The following TAF12 variants were observed in gnomAD, a reference collection of about 807,000 sequenced individuals.
TAF12 encodes TATA-box binding protein associated factor 12.
In TAF12, 3 loss-of-function variants were observed where a neutral mutation model predicts 20.8. The ratio of observed to expected loss-of-function variants is 0.14; its 90% CI spans 0.07 to 0.37. TAF12 has a LOEUF of 0.37. Among genes scored for constraint, TAF12 ranks in the 10% least tolerant of loss-of-function variants. TAF12 has a pLI of 1.00. For missense variants in TAF12, 131 were observed against 197.9 expected (o/e 0.66, Z 2.03); for synonymous variants, 69 against 70.2 (o/e 0.98, Z 0.09).
At chr1:28,626,843 G>A (rs1026804546) in intron 1 of TAF12, among the ~76,000 whole-genome samples, 6 of 152,064 alleles carry the variant, frequency 3.9e-5, no homozygotes, top group African/African-American at 1.4e-4. Flanking sequence ...CTGGGAGGCG[G>A]AGGTTGCAGT....
chr1:28,605,851 A>C (rs1485909329), intron 4 of TAF12, among the ~76,000 whole-genome samples: 1 of 152,146 alleles, frequency 6.6e-6, no homozygotes, highest in Non-Finnish European at 1.5e-5. Context: ...CCCAGGCTGG[A>C]GTGCAATGGC....
At chr1:28,647,988 TA>T (rs556200916), upstream of TAF12, among the ~76,000 whole-genome samples, 3,637 of 148,142 alleles carry the variant, frequency 0.025, 37 homozygotes, top group African/African-American at 0.031. Flanking sequence ...TCACTCGATT[TA>T]AAAAAAAAAA....
rs558217675 is a variant in TAF12 at position 28,603,758 on chromosome 1, G to A, written c.451-184C>T. Among the ~76,000 whole-genome samples, 98 of 152,172 alleles carry A rather than the reference G, an allele frequency of 6.4e-4. 1 individual carries two copies. Among genetic ancestry groups the A allele is most frequent in the Non-Finnish European group, 1.3e-3 (87 of 68,036 alleles). On this transcript the variant is annotated intron_variant, in intron 5 of 5. Transcript: ENST00000373824. ...GAGAGCAGTCTGCAAGGCCCCAAGA[G>A]ATGTTTAGATGGGCTAGTGGACCCA...
chr1:28,616,566 C>T (rs1487345539), intron 3 of TAF12, among the ~76,000 whole-genome samples: 3 of 151,326 alleles, frequency 2.0e-5, no homozygotes, highest in Non-Finnish European at 2.9e-5. Context: ...AACCCCATCT[C>T]TACTAAAAAA....
chr1:28,635,342 G>GTCGCCCAGGC lies in TAF12; in HGVS notation c.-85+7640_-85+7649dup, dbSNP rs1238617310. Among the ~76,000 whole-genome samples the GTCGCCCAGGC allele has an allele frequency of 2.6e-5, 3 of 114,408 alleles. No individual in the cohort carries two copies. The Admixed American group carries it at 3.3e-4, about 13-fold the overall frequency. The allele number at this position is 114,408 out of a possible 152,430, so 75.1% of individuals were successfully genotyped here. A position where few individuals can be genotyped will look rare whatever the true frequency, so the allele number is the denominator to read the frequency against. On this transcript the variant is annotated intron_variant, in intron 1 of 5. Coordinates refer to ENST00000373824, the MANE Select transcript of TAF12 (RefSeq NM_005644.4). ...TGTGTCGCCCAGGCTACAGTGCAGT[G>GTCGCCCAGGC]TCGCCCAGGCTACAGTGCAGTGGCG...
At chr1:28,620,795 C>T (rs1404518909) in intron 2 of TAF12, among the ~76,000 whole-genome samples, 1 of 150,710 alleles carries the variant, frequency 6.6e-6, no homozygotes, top group East Asian at 1.9e-4. Context: ...GCCCAGGCAA[C>T]AGAGCAAAAC....
intron 5 of TAF12, 82 bp from the exon 6 acceptor site, chr1:28,603,656 C>T: frequency 2.8e-6 from 4 of 1,452,070 alleles, no homozygotes; most frequent in Middle Eastern, 1.7e-4. Context: ...GGCTAGCAGG[C>T]CTCATGGTCT....
chr1:28,635,271 C>T (rs1667780770), intron 1 of TAF12, among the ~76,000 whole-genome samples: 1 of 147,212 alleles, frequency 6.8e-6, no homozygotes, highest in South Asian at 2.1e-4. Flanking sequence ...CATCTATCCT[C>T]CCTCCTTTTT....
intron 3 of TAF12, among the ~76,000 whole-genome samples, chr1:28,615,556 G>A (rs1332982414): frequency 2.6e-5 from 4 of 151,674 alleles, no homozygotes; most frequent in Non-Finnish European, 4.4e-5. Context: ...GCGTGTGCCT[G>A]TAGTCCCAGC....
intron 1 of TAF12, among the ~76,000 whole-genome samples, chr1:28,626,999 T>C (rs1257460577): frequency 6.6e-6 from 1 of 152,120 alleles, no homozygotes; most frequent in Non-Finnish European, 1.5e-5. Flanking sequence ...CATATCAAAT[T>C]AGGATTTTTT....
At chr1:28,621,838 A>G in intron 2 of TAF12, 76 bp downstream of exon 2, 1 of 1,536,318 alleles carries the variant, frequency 6.5e-7, no homozygotes, top group Middle Eastern at 1.7e-4. Flanking sequence ...TCTGAGATGG[A>G]CATCTCTTAA....
chr1:28,636,617 T>C (rs889755829), intron 1 of TAF12, among the ~76,000 whole-genome samples: 1 of 151,590 alleles, frequency 6.6e-6, no homozygotes, highest in Non-Finnish European at 1.5e-5. Context: ...TAGTGAGATC[T>C]GGTCACTACA....
chr1:28,619,007 C>A (rs1667125589), intron 2 of TAF12, among the ~76,000 whole-genome samples: 1 of 151,778 alleles, frequency 6.6e-6, no homozygotes, highest in South Asian at 2.1e-4. Flanking sequence ...ATGATTGTGC[C>A]ACTACACTCC....
At chr1:28,604,796 G>T (rs748060008) in intron 5 of TAF12, among the ~76,000 whole-genome samples, 1 of 152,166 alleles carries the variant, frequency 6.6e-6, no homozygotes, top group African/African-American at 2.4e-5. Flanking sequence ...CTTGTCAGAG[G>T]GAGGCCAACA....
intron 1 of TAF12, among the ~76,000 whole-genome samples, chr1:28,631,781 A>AT (rs1417537411): frequency 1.3e-5 from 2 of 152,198 alleles, no homozygotes; most frequent in Non-Finnish European, 2.9e-5. Context: ...GAAAATGCAA[A>AT]TTTTAAAAAA....
chr1:28,623,036 C>CAA (rs530309386), intron 1 of TAF12, among the ~76,000 whole-genome samples: 4 of 130,916 alleles, frequency 3.1e-5, no homozygotes, highest in African/African-American at 2.7e-5. Context: ...CACCGCCCCA[C>CAA]AAAAAAAAAA....
chr1:28,619,136 G>A (rs1159435943), intron 2 of TAF12, among the ~76,000 whole-genome samples: 1 of 152,118 alleles, frequency 6.6e-6, no homozygotes, highest in Non-Finnish European at 1.5e-5. Context: ...AGGACTACCT[G>A]AGCCCAGGAG....
intron 2 of TAF12, among the ~76,000 whole-genome samples, chr1:28,621,290 C>A (rs900866052): frequency 2.0e-5 from 3 of 152,068 alleles, no homozygotes; most frequent in Admixed American, 6.6e-5. Flanking sequence ...AAAAACAAGT[C>A]AAAGGGATTA....
upstream of TAF12, among the ~76,000 whole-genome samples, chr1:28,645,327 G>A (rs1227177338): frequency 5.4e-5 from 8 of 148,550 alleles, no homozygotes; most frequent in South Asian, 2.1e-4. Flanking sequence ...GAGCCACTGC[G>A]CCCGGCCTCT....
Sources: gnomAD v4.1 joint callset for allele counts (sites outside exome capture counted in the v4.1 genomes callset) on GRCh38, gnomAD v4.1.1 for gene constraint, MANE v1.5 for transcripts, NCBI Gene and HGNC (gene_info 2026-07-23, HGNC 2026-07-21) for gene names.